The following MAGI1 variants were observed in gnomAD, a reference collection of about 807,000 sequenced individuals.
MAGI1 encodes membrane-associated guanylate kinase, WW and PDZ domain-containing protein 1.
A neutral mutation model predicts 139.9 loss-of-function variants in MAGI1; 58 were observed. That is an observed-to-expected ratio of 0.41 (90% CI 0.34 to 0.52). The LOEUF is 0.52. MAGI1 is among the 20% of genes least tolerant of loss of function. MAGI1 has a pLI of 0.12. For missense variants in MAGI1, 1,874 were observed against 1,901.6 expected, an observed-to-expected ratio of 0.99 and a Z score of 0.27; for synonymous variants, 812 against 737.9, an observed-to-expected ratio of 1.10 and a Z score of -1.63.
Position 65,453,271 on chromosome 3 carries a change from C to T in MAGI1, c.1029G>A (p.Glu343=). 6.2e-7 allele frequency: 1 copy of T among 1,613,768 alleles called. No individual in the cohort carries two copies. The highest frequency in any genetic ancestry group is 8.5e-7 in the Non-Finnish European group (1 of 1,179,944). ...CLNKQQKPLE[E]CEDDEGVHTE... ...CTGGCCCCTTACCATCATCTTCACA[C>T]TCTTCCAGTGGCTTCTGCTGCTTGT... The change falls in exon 6 of 23, where the codon GAG becomes GAA. Residue 343 remains glutamate, a synonymous_variant. Transcript: ENST00000402939.
At position 65,723,825 on chromosome 3, in the gene MAGI1, T is replaced by C. The variant is rs530987342; in HGVS notation, c.314-101737A>G. 6.6e-5 allele frequency among the ~76,000 whole-genome samples: 10 copies of C among 152,316 alleles called. No individual in the cohort carries two copies. In the South Asian group the frequency reaches 1.5e-3, roughly 22 times the overall value. ...GCTAAAGTGAGAGTGATCATCTTAA[T>C]TATATAGGAGGGTCTCATTAGAGCC... On this transcript the variant is annotated intron_variant, in intron 1 of 22. Transcript: ENST00000402939.
intron 2 of MAGI1, among the ~76,000 whole-genome samples, chr3:65,520,044 T>C (rs979561319): frequency 2.0e-5 from 3 of 152,002 alleles, no homozygotes; most frequent in Admixed American, 2.0e-4. Context: ...AAAAGGAGGC[T>C]CCCAGCCAAC....
intron 10 of MAGI1, among the ~76,000 whole-genome samples, chr3:65,436,673 A>C (rs1215030055): frequency 6.6e-6 from 1 of 152,136 alleles, no homozygotes; most frequent in Middle Eastern, 3.2e-3. Flanking sequence ...TTTTTAACAT[A>C]CTATTAAATA....
At chr3:65,940,307 A>C (rs1049683005) in intron 1 of MAGI1, among the ~76,000 whole-genome samples, 2 of 152,250 alleles carry the variant, frequency 1.3e-5, no homozygotes, top group African/African-American at 4.8e-5. Context: ...TGCTATAACG[A>C]AATATCATAG....
At chr3:65,494,668 A>G (rs1371824309) in intron 2 of MAGI1, among the ~76,000 whole-genome samples, 2 of 152,206 alleles carry the variant, frequency 1.3e-5, no homozygotes, top group African/African-American at 2.4e-5. Context: ...ATATTTCCCT[A>G]TGTCTAGGAT....
At chr3:66,020,194 C>T (rs1339728418) in intron 1 of MAGI1, among the ~76,000 whole-genome samples, 3 of 152,192 alleles carry the variant, frequency 2.0e-5, no homozygotes, top group Admixed American at 1.3e-4. Context: ...AATTCCAGCA[C>T]TTTGCGAGGC....
At chr3:65,413,529 T>C (rs549693122) in intron 12 of MAGI1, among the ~76,000 whole-genome samples, 16 of 152,306 alleles carry the variant, frequency 1.1e-4, no homozygotes, top group African/African-American at 3.6e-4. Flanking sequence ...AGATATTAAA[T>C]GTCTTCAAAA....
At chr3:65,375,196 T>TC (rs566832235) in intron 18 of MAGI1, among the ~76,000 whole-genome samples, 110 of 151,262 alleles carry the variant, frequency 7.3e-4, no homozygotes, top group South Asian at 3.4e-3. Flanking sequence ...ACTTTTTTTT[T>TC]TTTTTTTTTT....
At chr3:65,360,853 G>A in intron 22 of MAGI1, 1 of 1,156,344 alleles carries the variant, frequency 8.6e-7, no homozygotes, top group South Asian at 3.4e-5. Context: ...CTTAAAAGGA[G>A]TATATAGTCA....
At chr3:65,680,493 G>A (rs1426057163) in intron 1 of MAGI1, among the ~76,000 whole-genome samples, 7 of 152,132 alleles carry the variant, frequency 4.6e-5, no homozygotes, top group Non-Finnish European at 1.0e-4. Context: ...ACAGCTCACA[G>A]AATCTCAACC....
intron 1 of MAGI1, among the ~76,000 whole-genome samples, chr3:65,748,589 T>C (rs957682874): frequency 3.3e-5 from 5 of 152,230 alleles, no homozygotes; most frequent in South Asian, 2.1e-4. Flanking sequence ...TGTCCTTCCA[T>C]TGTTTCAGCT....
intron 1 of MAGI1, among the ~76,000 whole-genome samples, chr3:65,911,240 C>T (rs565246903): frequency 2.0e-5 from 3 of 152,014 alleles, no homozygotes; most frequent in East Asian, 3.9e-4. Flanking sequence ...ATGAAAATAA[C>T]TTATCTCCAT....
At chr3:65,846,984 A>AC (rs1553716734) in intron 1 of MAGI1, among the ~76,000 whole-genome samples, 3 of 125,372 alleles carry the variant, frequency 2.4e-5, no homozygotes, top group Admixed American at 1.8e-4. Context: ...TACAAAAAAA[A>AC]AAAAAAAAAA....
At chr3:65,399,091 C>T (rs1299394172) in intron 13 of MAGI1, among the ~76,000 whole-genome samples, 1 of 152,064 alleles carries the variant, frequency 6.6e-6, no homozygotes, top group Admixed American at 6.5e-5. Context: ...ATAAACAAAA[C>T]AACCACAACA....
chr3:65,765,980 G>A (rs960445822), intron 1 of MAGI1, among the ~76,000 whole-genome samples: 8 of 152,202 alleles, frequency 5.3e-5, no homozygotes, highest in Non-Finnish European at 8.8e-5. Flanking sequence ...TCCCAGCCTC[G>A]GTCCCATCTG....
At chr3:65,880,495 C>T (rs1275083139) in intron 1 of MAGI1, among the ~76,000 whole-genome samples, 1 of 152,094 alleles carries the variant, frequency 6.6e-6, no homozygotes, top group Non-Finnish European at 1.5e-5. Flanking sequence ...AATGGTATCA[C>T]CAAAGGAGAG....
Position 65,381,971 on chromosome 3 carries a change from A to G in MAGI1, c.2607T>C (p.Ile869=). Reference sequence around the variant, plus strand: ...GGACCACAAGCTGGTGTGATTTTCCAATTACTGGCGTCCCATCCACACAGA... The same window carrying G: ...GGACCACAAGCTGGTGTGATTTTCCGATTACTGGCGTCCCATCCACACAGA... ...ELICVDGTPV[I]GKSHQLVVQL... The change falls in exon 16 of 23, where the codon ATT becomes ATC. Residue 869 remains isoleucine, a synonymous_variant. Transcript: ENST00000402939. 1 of 1,614,148 alleles carries G rather than the reference A, an allele frequency of 6.2e-7. No individual in the cohort carries two copies. The highest frequency in any genetic ancestry group is 2.2e-5 in the East Asian group (1 of 44,882).
At chr3:65,508,314 G>C (rs374722308) in intron 2 of MAGI1, among the ~76,000 whole-genome samples, 5 of 152,054 alleles carry the variant, frequency 3.3e-5, no homozygotes, top group South Asian at 4.1e-4. Context: ...TGAGGCAGGA[G>C]AATGGCGTGA....
intron 13 of MAGI1, among the ~76,000 whole-genome samples, chr3:65,398,898 T>C (rs1274524802): frequency 6.6e-6 from 1 of 152,082 alleles, no homozygotes; most frequent in East Asian, 1.9e-4. Context: ...AAATTGCTTA[T>C]TAAGAGTAAG....
Sources: gnomAD v4.1 joint callset for allele counts (sites outside exome capture counted in the v4.1 genomes callset) on GRCh38, gnomAD v4.1.1 for gene constraint, MANE v1.5 for transcripts, NCBI Gene and HGNC (gene_info 2026-07-23, HGNC 2026-07-21) for gene names.